The following DPP6 variants were observed in gnomAD, a reference collection of about 807,000 sequenced individuals.
The protein encoded by DPP6 is A-type potassium channel modulatory protein DPP6.
DPP6 carries 69 observed loss-of-function variants against 122.6 expected under a neutral mutation model. The ratio of observed to expected loss-of-function variants is 0.56; its 90% CI spans 0.46 to 0.69. The LOEUF (loss-of-function observed/expected upper bound fraction) is 0.69. Among genes scored for constraint, DPP6 ranks in the 30% least tolerant of loss-of-function variants. DPP6 has a pLI of 0.00. For synonymous variants in DPP6, 418 were observed against 433.1 expected, an observed-to-expected ratio of 0.97 and a Z score of 0.43; for missense variants, 928 against 1,116.9, an observed-to-expected ratio of 0.83 and a Z score of 2.41.
At chr7:153,998,822 A>C (rs1797562073) in intron 1 of DPP6, among the ~76,000 whole-genome samples, 1 of 152,170 alleles carries the variant, frequency 6.6e-6, no homozygotes, top group African/African-American at 2.4e-5. Flanking sequence ...ATGTACCCCA[A>C]TTTTCATTAC....
intron 3 of DPP6, among the ~76,000 whole-genome samples, chr7:154,487,001 T>C (rs1823853436): frequency 6.6e-6 from 1 of 152,214 alleles, no homozygotes; most frequent in African/African-American, 2.4e-5. Flanking sequence ...TTACTTTTCC[T>C]TGGCAAACGT....
intron 1 of DPP6, among the ~76,000 whole-genome samples, chr7:153,946,520 GCTT>G (rs1227493037): frequency 6.6e-6 from 1 of 152,060 alleles, no homozygotes; most frequent in Admixed American, 6.5e-5. Context: ...GTTTTAGACG[GCTT>G]CTTTACTATA....
intron 16 of DPP6, among the ~76,000 whole-genome samples, chr7:154,837,044 G>A (rs540185784): frequency 5.9e-5 from 9 of 152,336 alleles, no homozygotes; most frequent in African/African-American, 2.2e-4. Flanking sequence ...GTGTGGGCAT[G>A]TCTGTGGCCA....
the DPP6 span, among the ~76,000 whole-genome samples, chr7:153,856,339 T>C: frequency 6.6e-6 from 1 of 152,230 alleles, no homozygotes; most frequent in African/African-American, 2.4e-5. Flanking sequence ...TTCTCCAGAT[T>C]TGTATGAGGC....
At chr7:154,131,804 G>A (rs1365117085) in intron 1 of DPP6, among the ~76,000 whole-genome samples, 1 of 152,136 alleles carries the variant, frequency 6.6e-6, no homozygotes, top group African/African-American at 2.4e-5. Flanking sequence ...AAATAGAGGT[G>A]CTCAAGGAGA....
At chr7:154,751,609 CAAA>C (rs11339562) in intron 8 of DPP6, among the ~76,000 whole-genome samples, 8 of 87,364 alleles carry the variant, frequency 9.2e-5, no homozygotes, top group Admixed American at 1.3e-4. Context: ...GACTCTGTCT[CAAA>C]AAAAAAAAAA....
intron 16 of DPP6, among the ~76,000 whole-genome samples, chr7:154,818,891 C>G (rs952939764): frequency 1.3e-5 from 2 of 152,200 alleles, no homozygotes; most frequent in Non-Finnish European, 2.9e-5. Flanking sequence ...CATGAATACT[C>G]TGGAACATGT....
At chr7:154,698,538 CT>C (rs1840345023) in intron 7 of DPP6, among the ~76,000 whole-genome samples, 1 of 152,162 alleles carries the variant, frequency 6.6e-6, no homozygotes, top group Admixed American at 6.5e-5. Context: ...AAAAAGATCT[CT>C]GCTAATATAA....
chr7:154,791,277 TAAATA>T (rs201432886), intron 10 of DPP6, among the ~76,000 whole-genome samples: 4,667 of 151,636 alleles, frequency 0.031, 212 homozygotes, highest in African/African-American at 0.11. Flanking sequence ...TAAAAATAAA[TAAATA>T]AAATAAAGAC....
chr7:154,063,799 A>G (rs1449653466), intron 1 of DPP6, among the ~76,000 whole-genome samples: 2 of 151,604 alleles, frequency 1.3e-5, no homozygotes, highest in African/African-American at 4.9e-5. Flanking sequence ...TGTGGATATT[A>G]GGTGTCCTAG....
intron 7 of DPP6, among the ~76,000 whole-genome samples, chr7:154,725,686 T>C (rs1842030727): frequency 6.6e-6 from 1 of 152,176 alleles, no homozygotes; most frequent in Non-Finnish European, 1.5e-5. Context: ...CCAGATCTCA[T>C]GTCCTGCTCC....
chr7:154,638,877 T>A (rs1000531845), intron 6 of DPP6, among the ~76,000 whole-genome samples: 2 of 152,194 alleles, frequency 1.3e-5, no homozygotes, highest in Admixed American at 1.3e-4. Context: ...CCACCTCATG[T>A]TTCTCTTTCC....
intron 1 of DPP6, among the ~76,000 whole-genome samples, chr7:154,410,388 C>T (rs1315893716): frequency 6.6e-6 from 1 of 152,220 alleles, no homozygotes; most frequent in East Asian, 1.9e-4. Flanking sequence ...CTGGCTTAAA[C>T]TCTGCTGGGA....
intron 3 of DPP6, among the ~76,000 whole-genome samples, chr7:154,508,708 G>A (rs937158113): frequency 1.3e-5 from 2 of 152,114 alleles, no homozygotes; most frequent in African/African-American, 2.4e-5. Flanking sequence ...GAGGAATTTG[G>A]AAAATGTAGT....
At chr7:153,796,963 CCT>C in the DPP6 span, among the ~76,000 whole-genome samples, 1 of 152,122 alleles carries the variant, frequency 6.6e-6, no homozygotes, top group Non-Finnish European at 1.5e-5. Context: ...GCTTGTTTTG[CCT>C]CTTTCTTTTT....
chr7:154,249,259 T>C (rs1802193974), intron 1 of DPP6, among the ~76,000 whole-genome samples: 1 of 152,250 alleles, frequency 6.6e-6, no homozygotes, highest in Non-Finnish European at 1.5e-5. Flanking sequence ...CATTTTCTGG[T>C]TTTGTGCGTC....
At chr7:154,284,582 C>T (rs1025739888) in intron 1 of DPP6, among the ~76,000 whole-genome samples, 4 of 152,228 alleles carry the variant, frequency 2.6e-5, no homozygotes, top group Admixed American at 6.5e-5. Flanking sequence ...AGACTGGGCG[C>T]GTTGGCTTAC....
At chr7:154,667,586 C>T (rs1169945091) in intron 6 of DPP6, among the ~76,000 whole-genome samples, 2 of 152,048 alleles carry the variant, frequency 1.3e-5, no homozygotes, top group African/African-American at 4.8e-5. Flanking sequence ...CGCCAGGCGT[C>T]GTGGCAGGTG....
intron 6 of DPP6, among the ~76,000 whole-genome samples, chr7:154,659,424 A>G (rs775822651): frequency 6.6e-6 from 1 of 152,384 alleles, no homozygotes; most frequent in African/African-American, 2.4e-5. Flanking sequence ...ATTCACATAT[A>G]TACGTTGTGT....
Sources: allele counts gnomAD v4.1 joint callset (sites outside exome capture counted in the v4.1 genomes callset), GRCh38; gene constraint gnomAD v4.1.1; transcripts MANE v1.5; gene names NCBI Gene and HGNC (gene_info 2026-07-23, HGNC 2026-07-21).